Variants in DTNB observed in about 807,000 individuals in gnomAD.
DTNB encodes dystrobrevin beta, also known as DTN-B.
DTNB carries 63 observed loss-of-function variants against 90.7 expected under a neutral mutation model. The observed-to-expected ratio is 0.69, with a 90% CI of 0.57 to 0.86. The LOEUF is 0.86. Among genes scored for constraint, DTNB ranks in the 40% least tolerant of loss-of-function variants. The pLI, the probability that DTNB is intolerant of heterozygous loss-of-function variation, is 0.00. For synonymous variants in DTNB, 277 were observed against 286.7 expected, an observed-to-expected ratio of 0.97 and a Z score of 0.34; for missense variants, 744 against 807.1, an observed-to-expected ratio of 0.92 and a Z score of 0.95.
intron 2 of DTNB, among the ~76,000 whole-genome samples, chr2:25,643,119 A>T (rs2078701536): frequency 6.6e-6 from 1 of 152,110 alleles, no homozygotes; most frequent in Non-Finnish European, 1.5e-5. Context: ...GCTCAACTAA[A>T]AGGTATGGCT....
intron 10 of DTNB, among the ~76,000 whole-genome samples, chr2:25,479,491 A>G (rs2064469901): frequency 6.6e-6 from 1 of 152,198 alleles, no homozygotes; most frequent in Admixed American, 6.5e-5. Context: ...AATTTCAAGG[A>G]AGTATTTAGC....
At chr2:25,410,169 C>G (rs1231258282) in intron 16 of DTNB, among the ~76,000 whole-genome samples, 1 of 152,172 alleles carries the variant, frequency 6.6e-6, no homozygotes, top group African/African-American at 2.4e-5. Flanking sequence ...GGAAGAATTT[C>G]TCCAGTTGGC....
intron 16 of DTNB, among the ~76,000 whole-genome samples, chr2:25,403,912 G>T (rs1423748005): frequency 6.6e-6 from 1 of 152,150 alleles, no homozygotes; most frequent in Non-Finnish European, 1.5e-5. Flanking sequence ...GAGTACAGGC[G>T]TGTGCCACTG....
chr2:25,491,914 A>C (rs896576070), intron 9 of DTNB, among the ~76,000 whole-genome samples: 2 of 151,978 alleles, frequency 1.3e-5, no homozygotes, highest in African/African-American at 4.8e-5. Context: ...AAAAAAAAAA[A>C]CTGAGGCATG....
chr2:25,432,498 A>G (rs986755462), intron 14 of DTNB, among the ~76,000 whole-genome samples: 5 of 152,318 alleles, frequency 3.3e-5, no homozygotes, highest in African/African-American at 1.2e-4. Flanking sequence ...TTGACTGTAA[A>G]GTGCCAGGAG....
chr2:25,388,124 G>GA lies in DTNB; in HGVS notation c.1735+77dup, dbSNP rs1288258080. 3.9e-6 allele frequency: 6 copies of GA among 1,529,390 alleles called. No individual in the cohort carries two copies. In the African/African-American group the frequency reaches 6.9e-5, roughly 18 times the overall value. The allele number at this position is 1,529,390 out of a possible 1,614,324, so 94.7% of individuals were successfully genotyped here. A position where few individuals can be genotyped will look rare whatever the true frequency, so the allele number is the denominator to read the frequency against. ...AAGCAAAGAGCACAAAACAGAAATG[G>GA]AAAAAACCTCAGCAGGAATCTTGTC... On this transcript the variant is annotated intron_variant, in intron 17 of 20. Coordinates refer to ENST00000406818, the MANE Select transcript of DTNB (RefSeq NM_021907.5).
chr2:25,460,115 AT>A (rs1296460004), intron 10 of DTNB, among the ~76,000 whole-genome samples: 1 of 152,086 alleles, frequency 6.6e-6, no homozygotes, highest in Non-Finnish European at 1.5e-5. Flanking sequence ...ACAAATTTCC[AT>A]GGTGTTTTTG....
At chr2:25,534,972 G>C (rs1412543986) in intron 8 of DTNB, among the ~76,000 whole-genome samples, 1 of 147,824 alleles carries the variant, frequency 6.8e-6, no homozygotes, top group Non-Finnish European at 1.5e-5. Flanking sequence ...CAGACAATGA[G>C]GTGCTCCTCA....
intron 9 of DTNB, among the ~76,000 whole-genome samples, chr2:25,510,728 G>C (rs999639401): frequency 1.3e-5 from 2 of 152,008 alleles, no homozygotes; most frequent in African/African-American, 4.8e-5. Flanking sequence ...GGCTGGTCTC[G>C]AACTCCTGAC....
Position 25,455,493 on chromosome 2 carries a change from A to C in DTNB, c.1081T>G (p.Leu361Val), listed in dbSNP as rs757224850. The change falls in exon 11 of 21, where the codon TTA becomes GTA. Residue 361 changes from leucine (L) to valine (V), a missense_variant and splice_region_variant. Leu to Val is a conservative substitution (Grantham distance 32). Transcript: ENST00000406818. ...CTGGGTATATCCTGGCTATACTGTA[A>C]CCTAGGAACAATGGAGGCAAAGACA... ...SSGVPTPTKR[L>V]QYSQDIPSHL... The C allele has an allele frequency of 1.9e-6, 3 of 1,603,344 alleles. No individual in the cohort carries two copies. In the African/African-American group the frequency reaches 4.0e-5, roughly 21 times the overall value.
chr2:25,629,541 A>G (rs1050862904), intron 3 of DTNB, among the ~76,000 whole-genome samples: 1 of 152,208 alleles, frequency 6.6e-6, no homozygotes, highest in African/African-American at 2.4e-5. Context: ...ATATGTCTAA[A>G]ACAAAAGGAC....
intron 16 of DTNB, among the ~76,000 whole-genome samples, chr2:25,401,991 A>G (rs1390163698): frequency 6.6e-6 from 1 of 152,248 alleles, no homozygotes; most frequent in Non-Finnish European, 1.5e-5. Flanking sequence ...CAATGATGGG[A>G]GAGAGTTGCT....
At chr2:25,616,931 CAA>C (rs70947896) in intron 4 of DTNB, among the ~76,000 whole-genome samples, 53 of 70,558 alleles carry the variant, frequency 7.5e-4, no homozygotes, top group African/African-American at 2.8e-3. Flanking sequence ...GACCCCGTCT[CAA>C]AAAAAAAAAA....
At chr2:25,427,801 TC>T (rs1253452573) in intron 14 of DTNB, 170 bp from the exon 15 acceptor site, 3 of 578,792 alleles carry the variant, frequency 5.2e-6, no homozygotes, top group Non-Finnish European at 6.0e-6. Context: ...TTTGCCTACT[TC>T]CTGGACTGTT....
At position 25,477,316 on chromosome 2, in the gene DTNB, T is replaced by C. The variant is rs574640500; in HGVS notation, c.1079+5480A>G. ...TATTGCGGTGGTCTGGGACCAAACC[T>C]GCCGTGTCTCTGAGGTATGCGTGTA... is the stretch of plus-strand genomic sequence containing the variant. On this transcript the variant is annotated intron_variant, in intron 10 of 20. Coordinates refer to ENST00000406818, the MANE Select transcript of DTNB (RefSeq NM_021907.5). 1.2e-4 allele frequency among the ~76,000 whole-genome samples: 19 copies of C among 152,330 alleles called. No homozygotes were observed. In the South Asian group the frequency reaches 3.5e-3, roughly 28 times the overall value.
chr2:25,389,743 G>A (rs2040542410), intron 16 of DTNB, among the ~76,000 whole-genome samples: 1 of 152,084 alleles, frequency 6.6e-6, no homozygotes, highest in African/African-American at 2.4e-5. Flanking sequence ...CCCTGAACAG[G>A]TGGACAGGCT....
chr2:25,401,317 G>A (rs10206012), intron 16 of DTNB, among the ~76,000 whole-genome samples: 57,942 of 152,094 alleles, frequency 0.38, 12,562 homozygotes, highest in East Asian at 0.6. Flanking sequence ...AGAATACAGG[G>A]ATTATGAAAA....
At chr2:25,651,724 A>C (rs1258417213) in intron 2 of DTNB, among the ~76,000 whole-genome samples, 1 of 152,130 alleles carries the variant, frequency 6.6e-6, no homozygotes, top group African/African-American at 2.4e-5. Flanking sequence ...TGAGACTTTT[A>C]CCCACTGATT....
At chr2:25,532,289 A>G (rs553471250) in intron 8 of DTNB, among the ~76,000 whole-genome samples, 1 of 151,914 alleles carries the variant, frequency 6.6e-6, no homozygotes, top group South Asian at 2.1e-4. Flanking sequence ...GGGCTACGAT[A>G]CTAAAAGGCT....
Sources: gnomAD v4.1 joint callset for allele counts (sites outside exome capture counted in the v4.1 genomes callset) on GRCh38, gnomAD v4.1.1 for gene constraint, MANE v1.5 for transcripts, NCBI Gene and HGNC (gene_info 2026-07-23, HGNC 2026-07-21) for gene names.